ROBO2: variants seen among roughly 807,000 people sequenced by gnomAD.
ROBO2 encodes roundabout homolog 2.
In ROBO2, 53 loss-of-function variants were observed where a neutral mutation model predicts 160.8. That is an observed-to-expected ratio of 0.33 (90% CI 0.26 to 0.41). ROBO2 has a LOEUF of 0.41. Among genes scored for constraint, ROBO2 ranks in the 10% least tolerant of loss-of-function variants. The probability of loss-of-function intolerance (pLI) is 1.00; values close to 1 mark genes in which losing one functional copy is unlikely to be tolerated. For missense variants in ROBO2, 1,577 were observed against 1,722.4 expected, an observed-to-expected ratio of 0.92 and a Z score of 1.49; for synonymous variants, 664 against 611.7, an observed-to-expected ratio of 1.09 and a Z score of -1.26.
chr3:76,762,942 C>T (rs1052136521), intron 2 of ROBO2, among the ~76,000 whole-genome samples: 1 of 151,636 alleles, frequency 6.6e-6, no homozygotes, highest in South Asian at 2.1e-4. Context: ...TTCACGATGC[C>T]TGCTTGAAAT....
At chr3:76,016,702 G>T (rs186459633) in intron 2 of ROBO2, among the ~76,000 whole-genome samples, 96 of 152,188 alleles carry the variant, frequency 6.3e-4, no homozygotes, top group Admixed American at 1.3e-3. Context: ...CATATTGAAA[G>T]ATAGTAAATA....
intron 2 of ROBO2, among the ~76,000 whole-genome samples, chr3:76,262,522 G>T (rs933828576): frequency 1.3e-5 from 2 of 151,922 alleles, no homozygotes; most frequent in Admixed American, 1.3e-4. Context: ...TAGAACCTTG[G>T]GTCTTATTTT....
intron 2 of ROBO2, among the ~76,000 whole-genome samples, chr3:77,113,050 TTA>T (rs1177782059): frequency 7.9e-5 from 12 of 152,196 alleles, no homozygotes; most frequent in African/African-American, 2.2e-4. Context: ...AAACTTAGCA[TTA>T]TCACTGTTTT....
At position 77,370,639 on chromosome 3, in the gene ROBO2, A is replaced by AT. The variant is rs144371457; in HGVS notation, c.389-106769dup. On this transcript the variant is annotated intron_variant, in intron 2 of 25. Coordinates refer to ENST00000461745, the Ensembl canonical transcript of ROBO2. ...CACATGCCAGGTCTGGCCCACTGCC[A>AT]TTTTTTGGTATGACTCGTGAGCTAA... 5.9e-5 allele frequency among the ~76,000 whole-genome samples: 9 copies of AT among 152,228 alleles called. No individual in the cohort carries two copies. In the East Asian group the frequency reaches 1.7e-3, roughly 29 times the overall value.
chr3:77,299,827 G>T (rs1309259697), intron 2 of ROBO2, among the ~76,000 whole-genome samples: 4 of 152,106 alleles, frequency 2.6e-5, no homozygotes. Context: ...ACGATAGAGT[G>T]GTGAGTGGCA....
At chr3:77,205,631 C>G (rs1579962567) in intron 2 of ROBO2, among the ~76,000 whole-genome samples, 4 of 152,226 alleles carry the variant, frequency 2.6e-5, no homozygotes, top group Admixed American at 2.6e-4. Context: ...GAACCTTCCT[C>G]TTCTACCGTA....
chr3:76,941,210 CT>C (rs1306784797), intron 2 of ROBO2, among the ~76,000 whole-genome samples: 2 of 152,130 alleles, frequency 1.3e-5, no homozygotes, highest in Admixed American at 1.3e-4. Flanking sequence ...GACAACCTTC[CT>C]TTCACTTGAA....
At chr3:75,989,980 AT>A (rs2065520558) in intron 2 of ROBO2, among the ~76,000 whole-genome samples, 1 of 152,092 alleles carries the variant, frequency 6.6e-6, no homozygotes, top group Admixed American at 6.6e-5. Flanking sequence ...TTAATAATTG[AT>A]TTCTCAAGGT....
chr3:76,810,395 T>C (rs1483116526), intron 2 of ROBO2, among the ~76,000 whole-genome samples: 1 of 151,856 alleles, frequency 6.6e-6, no homozygotes, highest in Non-Finnish European at 1.5e-5. Flanking sequence ...TATTGAATTC[T>C]GGGTGAAAGA....
At chr3:76,350,882 A>C (rs2074830481) in intron 2 of ROBO2, among the ~76,000 whole-genome samples, 1 of 151,944 alleles carries the variant, frequency 6.6e-6, no homozygotes, top group Admixed American at 6.6e-5. Context: ...GAAGAAGTTA[A>C]CATTCCTAGT....
chr3:76,808,835 TGGG>T (rs1197668758), intron 2 of ROBO2, among the ~76,000 whole-genome samples: 2 of 152,072 alleles, frequency 1.3e-5, no homozygotes, highest in African/African-American at 4.8e-5. Flanking sequence ...TTTCAGTGAT[TGGG>T]GAATGAAAAA....
At chr3:77,251,068 T>G (rs2090289955) in intron 2 of ROBO2, among the ~76,000 whole-genome samples, 1 of 151,828 alleles carries the variant, frequency 6.6e-6, no homozygotes, top group Non-Finnish European at 1.5e-5. Flanking sequence ...TTCCAGGAGC[T>G]CAGGGGCTGC....
intron 2 of ROBO2, among the ~76,000 whole-genome samples, chr3:77,125,019 CA>C (rs1227754080): frequency 6.6e-6 from 1 of 151,974 alleles, no homozygotes; most frequent in African/African-American, 2.4e-5. Context: ...ATTATATCCT[CA>C]TATTCCAGTA....
At chr3:77,473,486 G>A (rs1295053856) in intron 2 of ROBO2, among the ~76,000 whole-genome samples, 6 of 106,208 alleles carry the variant, frequency 5.6e-5, no homozygotes, top group Admixed American at 1.3e-4. Context: ...TTGAGACAAA[G>A]TCTCGCTCTG....
At chr3:77,051,897 T>G (rs2065263356) in intron 1 of ROBO2, among the ~76,000 whole-genome samples, 1 of 152,240 alleles carries the variant, frequency 6.6e-6, no homozygotes, top group African/African-American at 2.4e-5. Flanking sequence ...GACACTCAAC[T>G]ATACAGCAAG....
chr3:76,537,181 A>G (rs1396858613), intron 2 of ROBO2, among the ~76,000 whole-genome samples: 1 of 151,944 alleles, frequency 6.6e-6, no homozygotes, highest in African/African-American at 2.4e-5. Flanking sequence ...ATGGGAGAGA[A>G]AGAGGAAAGA....
chr3:76,087,937 A>G (rs2069081366), intron 2 of ROBO2, among the ~76,000 whole-genome samples: 1 of 152,138 alleles, frequency 6.6e-6, no homozygotes, highest in Non-Finnish European at 1.5e-5. Flanking sequence ...GATTGTAAGA[A>G]TGGATCAAGA....
intron 2 of ROBO2, among the ~76,000 whole-genome samples, chr3:76,408,680 G>A (rs2075336218): frequency 6.6e-6 from 1 of 152,080 alleles, no homozygotes; most frequent in Non-Finnish European, 1.5e-5. Context: ...AAAGGGCTGT[G>A]ATAAAACAGT....
chr3:76,322,210 C>T (rs1171278756), intron 2 of ROBO2, among the ~76,000 whole-genome samples: 7 of 124,926 alleles, frequency 5.6e-5, no homozygotes, highest in South Asian at 2.6e-4. Context: ...ATATAATATA[C>T]ACACACATAT....
Sources: allele counts gnomAD v4.1 joint callset (sites outside exome capture counted in the v4.1 genomes callset), GRCh38; gene constraint gnomAD v4.1.1; transcripts MANE v1.5; gene names NCBI Gene and HGNC (gene_info 2026-07-23, HGNC 2026-07-21).